Variants in TSHR observed in about 807,000 individuals in gnomAD.
The protein encoded by TSHR is thyroid stimulating hormone receptor.
Under a neutral mutation model 64.1 loss-of-function variants are expected in TSHR, and 51 were observed. The observed-to-expected ratio is 0.80, with a 90% CI of 0.64 to 1.01. TSHR has a LOEUF of 1.01. TSHR is among the 50% of genes least tolerant of loss of function. The pLI, the probability that TSHR is intolerant of heterozygous loss-of-function variation, is 0.00. For synonymous variants in TSHR, 361 were observed against 361.9 expected (o/e 1.00, Z 0.03); for missense variants, 877 against 942.8 (o/e 0.93, Z 0.91).
At chr14:81,018,901 G>A (rs115971990) in intron 1 of TSHR, among the ~76,000 whole-genome samples, 1 of 152,212 alleles carries the variant, frequency 6.6e-6, no homozygotes, top group Admixed American at 6.5e-5. Context: ...AAGATTAGAT[G>A]TGTCTTGCAG....
chr14:81,107,813 T>C (rs934361342), intron 7 of TSHR, among the ~76,000 whole-genome samples: 1 of 152,134 alleles, frequency 6.6e-6, no homozygotes, highest in African/African-American at 2.4e-5. Flanking sequence ...TGGCAAATAT[T>C]TTTACTAAAA....
chr14:81,122,849 G>A (rs1890862163), intron 8 of TSHR, among the ~76,000 whole-genome samples: 1 of 152,174 alleles, frequency 6.6e-6, no homozygotes, highest in Admixed American at 6.5e-5. Context: ...ATTAGGCTGG[G>A]CGTGGTGGCT....
intron 8 of TSHR, among the ~76,000 whole-genome samples, chr14:81,112,278 ATT>A (rs1445122962): frequency 4.6e-5 from 7 of 152,224 alleles, no homozygotes; most frequent in Non-Finnish European, 7.3e-5. Context: ...GTTAGACATT[ATT>A]ATGATTATTT....
At chr14:81,083,954 C>T (rs1007481597) in intron 3 of TSHR, among the ~76,000 whole-genome samples, 1 of 152,132 alleles carries the variant, frequency 6.6e-6, no homozygotes, top group South Asian at 2.1e-4. Context: ...AGAACTCACT[C>T]ACTATCACGA....
intron 6 of TSHR, 108 bp downstream of exon 6, chr14:81,092,716 A>G (rs1888850395): frequency 1.0e-6 from 1 of 982,442 alleles, no homozygotes; most frequent in Non-Finnish European, 1.6e-6. Context: ...TATATACTCT[A>G]TAGAGTACAA....
chr14:81,076,030 T>C (rs1474938436), intron 3 of TSHR, among the ~76,000 whole-genome samples: 1 of 152,042 alleles, frequency 6.6e-6, no homozygotes, highest in Non-Finnish European at 1.5e-5. Context: ...TCATTCTCAG[T>C]AAACTATCGC....
At chr14:80,985,776 A>T (rs754510445) in intron 1 of TSHR, among the ~76,000 whole-genome samples, 1 of 152,222 alleles carries the variant, frequency 6.6e-6, no homozygotes, top group Non-Finnish European at 1.5e-5. Flanking sequence ...TTGCATGTCA[A>T]TAAATATGCC....
intron 1 of TSHR, chr14:81,012,623 G>A (rs1889975482): frequency 6.6e-6 from 1 of 152,090 alleles, no homozygotes; most frequent in Non-Finnish European, 1.5e-5. Context: ...ACTTTTTAAT[G>A]ATTGCCATTC....
At chr14:81,125,829 G>A (rs752328812) in intron 8 of TSHR, among the ~76,000 whole-genome samples, 1 of 151,944 alleles carries the variant, frequency 6.6e-6, no homozygotes, top group African/African-American at 2.4e-5. Context: ...GAGCCGAGTT[G>A]TTGGGGAAGC....
intron 7 of TSHR, chr14:81,104,393 T>C (rs1889763856): frequency 1.0e-6 from 1 of 985,382 alleles, no homozygotes; most frequent in Non-Finnish European, 1.2e-6. Flanking sequence ...AGGCACAGGC[T>C]GAAATTCCAT....
chr14:80,965,985 G>C (rs920381852), intron 1 of TSHR, among the ~76,000 whole-genome samples: 1 of 152,126 alleles, frequency 6.6e-6, no homozygotes, highest in African/African-American at 2.4e-5. Flanking sequence ...CACATCACTT[G>C]CACACCTGGA....
At chr14:80,994,196 G>T (rs535373692) in intron 1 of TSHR, 2 of 150,076 alleles carry the variant, frequency 1.3e-5, no homozygotes, top group Non-Finnish European at 3.0e-5. Flanking sequence ...TTACTTTATT[G>T]TAAAAGTACA....
chr14:80,985,040 G>C (rs1391807137), intron 1 of TSHR, among the ~76,000 whole-genome samples: 2 of 152,172 alleles, frequency 1.3e-5, no homozygotes, highest in South Asian at 2.1e-4. Flanking sequence ...CACGAGGTCA[G>C]GAGATCGAGA....
intron 5 of TSHR, 75 bp downstream of exon 5, chr14:81,091,218 T>C (rs1888711161): frequency 3.0e-6 from 4 of 1,316,894 alleles, no homozygotes; most frequent in Non-Finnish European, 4.3e-6. Flanking sequence ...GTCATGAGGG[T>C]AGGTTGAAGA....
intron 1 of TSHR, among the ~76,000 whole-genome samples, chr14:80,974,768 C>T (rs192032641): frequency 6.6e-6 from 1 of 152,194 alleles, no homozygotes; most frequent in Non-Finnish European, 1.5e-5. Flanking sequence ...AGGGATTGTG[C>T]TTTCTTTTTG....
intron 1 of TSHR, chr14:81,013,864 A>T (rs1453873048): frequency 1.3e-5 from 2 of 152,190 alleles, no homozygotes; most frequent in African/African-American, 4.8e-5. Context: ...TTTGGGATAG[A>T]GTATAATCCT....
chr14:81,060,842 A>G (rs528331148), intron 1 of TSHR, among the ~76,000 whole-genome samples: 7 of 152,266 alleles, frequency 4.6e-5, no homozygotes, highest in African/African-American at 1.7e-4. Flanking sequence ...CCAAGTTAAT[A>G]CACTATGCAC....
intron 9 of TSHR, among the ~76,000 whole-genome samples, chr14:81,140,159 T>C (rs10147462): frequency 0.052 from 7,875 of 152,250 alleles, 501 homozygotes; most frequent in East Asian, 0.24. Context: ...GTTATGTAGA[T>C]ATGATGTCCG....
rs189808271 is a variant in TSHR, at chr14:81,022,816, A to G, written c.171-39332A>G. Among the ~76,000 whole-genome samples, 612 of 152,206 alleles carry G rather than the reference A, an allele frequency of 4.0e-3. 1 individual carries two copies. The highest frequency in any genetic ancestry group is 6.4e-3 in the Admixed American group (98 of 15,282). ...AGCCCGGGCGACAAAGCGAGACTTCATCTCAAAAGAACAAAAAAAAAGATG... is the reference window on the plus strand; with the variant it reads ...AGCCCGGGCGACAAAGCGAGACTTCGTCTCAAAAGAACAAAAAAAAAGATG... On this transcript the variant is annotated intron_variant, in intron 1 of 9. Transcript: ENST00000298171.
Sources: gnomAD v4.1 joint callset for allele counts (sites outside exome capture counted in the v4.1 genomes callset) on GRCh38, gnomAD v4.1.1 for gene constraint, MANE v1.5 for transcripts, NCBI Gene and HGNC (gene_info 2026-07-23, HGNC 2026-07-21) for gene names.